The following UNC79 variants were observed in gnomAD, a reference collection of about 807,000 sequenced individuals.
The protein encoded by UNC79 is protein unc-79 homolog.
In UNC79, 37 loss-of-function variants were observed where a neutral mutation model predicts 283.1. The ratio of observed to expected loss-of-function variants is 0.13; its 90% CI spans 0.10 to 0.17. The LOEUF (loss-of-function observed/expected upper bound fraction) is 0.17. Ranked by LOEUF, UNC79 falls within the 10% of genes least tolerant of loss-of-function variation. UNC79 has a pLI of 1.00. For synonymous variants in UNC79, 1,107 were observed against 1,200.2 expected, an observed-to-expected ratio of 0.92 and a Z score of 1.61; for missense variants, 2,272 against 3,211.1, an observed-to-expected ratio of 0.71 and a Z score of 7.07.
At chr14:93,461,920 G>A (rs1235936094) in intron 1 of UNC79, among the ~76,000 whole-genome samples, 3 of 149,880 alleles carry the variant, frequency 2.0e-5, no homozygotes, top group African/African-American at 7.4e-5. Flanking sequence ...TGGAGGGAAA[G>A]CACTCTATGA....
intron 1 of UNC79, among the ~76,000 whole-genome samples, chr14:93,423,493 A>G (rs1035305755): frequency 7.2e-5 from 11 of 152,242 alleles, no homozygotes; most frequent in African/African-American, 2.7e-4. Context: ...CCAAAATGGC[A>G]TGGTACTGGC....
At chr14:93,447,993 T>G (rs1024471704) in intron 1 of UNC79, among the ~76,000 whole-genome samples, 1 of 152,178 alleles carries the variant, frequency 6.6e-6, no homozygotes, top group Non-Finnish European at 1.5e-5. Flanking sequence ...TTCTGCTTTG[T>G]GTTTGTCATT....
chr14:93,703,063 G>A (rs150763509), intron 47 of UNC79, among the ~76,000 whole-genome samples: 2 of 152,348 alleles, frequency 1.3e-5, no homozygotes, highest in African/African-American at 4.8e-5. Context: ...GGCTAAGGGT[G>A]TGAAGGCCTG....
At chr14:93,637,885 T>C (rs897941374) in intron 32 of UNC79, among the ~76,000 whole-genome samples, 2 of 152,240 alleles carry the variant, frequency 1.3e-5, no homozygotes, top group African/African-American at 2.4e-5. Flanking sequence ...CTTCTGAGCA[T>C]GGTCCAGCTA....
intron 1 of UNC79, chr14:93,347,442 G>C: frequency 7.1e-7 from 1 of 1,409,808 alleles, no homozygotes; most frequent in Non-Finnish European, 9.2e-7. Context: ...GCGTGGCCCT[G>C]GCGGGGCGCC....
chr14:93,464,873 A>G (rs2057103336), intron 1 of UNC79, among the ~76,000 whole-genome samples: 1 of 152,178 alleles, frequency 6.6e-6, no homozygotes, highest in Non-Finnish European at 1.5e-5. Flanking sequence ...CTCGTGCACA[A>G]AATTGAACTG....
chr14:93,601,127 G>A (rs1003354200), intron 25 of UNC79, among the ~76,000 whole-genome samples: 10 of 152,034 alleles, frequency 6.6e-5, no homozygotes, highest in African/African-American at 2.4e-4. Flanking sequence ...CAATAGTTTT[G>A]GGGACATAGG....
chr14:93,357,807 G>A (rs1374473727), intron 1 of UNC79, among the ~76,000 whole-genome samples: 3 of 101,492 alleles, frequency 3.0e-5, no homozygotes, highest in Non-Finnish European at 4.1e-5. Flanking sequence ...ATGGATATAT[G>A]GATATATATA....
chr14:93,386,834 G>A (rs930218648), intron 1 of UNC79, among the ~76,000 whole-genome samples: 1 of 147,818 alleles, frequency 6.8e-6, no homozygotes, highest in East Asian at 2.0e-4. Context: ...GTGGCTAAAG[G>A]TTTGTCACTC....
At position 93,497,077 on chromosome 14, in the gene UNC79, C is replaced by T. The variant is rs1340667370; in HGVS notation, c.769-80C>T. 3.4e-6 allele frequency: 5 copies of T among 1,492,108 alleles called. No homozygotes were observed. The East Asian group carries it at 1.2e-4, about 34-fold the overall frequency. The allele number at this position is 1,492,108 out of a possible 1,614,324, so 92.4% of individuals were successfully genotyped here. On this transcript the variant is annotated intron_variant, in intron 6 of 48. Coordinates refer to ENST00000555664, the Ensembl canonical transcript of UNC79. The stretch of plus-strand genomic sequence containing the variant: ...CTCAATCCCTCCATTAGAATTTTCA[C>T]TGCTTTGGTAATGTTGAAGTCTCTA...
intron 14 of UNC79, among the ~76,000 whole-genome samples, chr14:93,569,378 AG>A (rs2063084118): frequency 6.6e-6 from 1 of 152,214 alleles, no homozygotes; most frequent in Admixed American, 6.5e-5. Flanking sequence ...CAGAGGTTGC[AG>A]TGAACTGAAA....
intron 1 of UNC79, chr14:93,347,234 C>T (rs1289098162): frequency 2.5e-6 from 4 of 1,570,864 alleles, no homozygotes; most frequent in Admixed American, 3.7e-5. Context: ...CTCACCTGTG[C>T]TGTCCACGCC....
intron 30 of UNC79, among the ~76,000 whole-genome samples, chr14:93,627,126 A>G (rs891676487): frequency 6.6e-6 from 1 of 152,224 alleles, no homozygotes; most frequent in African/African-American, 2.4e-5. Context: ...TGTCAAGGTC[A>G]CCAGTGTCCT....
intron 7 of UNC79, among the ~76,000 whole-genome samples, chr14:93,501,552 A>G (rs1225004900): frequency 6.6e-6 from 1 of 151,622 alleles, no homozygotes; most frequent in African/African-American, 2.4e-5. Context: ...GCTGGGTGTG[A>G]TGGTGCGTGC....
intron 31 of UNC79, among the ~76,000 whole-genome samples, chr14:93,635,625 C>T (rs1175526313): frequency 1.3e-5 from 2 of 152,140 alleles, no homozygotes; most frequent in Non-Finnish European, 2.9e-5. Context: ...CCTCATTATT[C>T]TTAGAGAGAG....
chr14:93,622,213 C>G (rs769147878), exon 30 of UNC79: 15 of 1,614,154 alleles, frequency 9.3e-6, no homozygotes, highest in Non-Finnish European at 1.3e-5. Context: ...ACGGCCCCTC[C>G]GGTAAAAATG....
intron 39 of UNC79, among the ~76,000 whole-genome samples, chr14:93,661,078 G>GA (rs1415902683): frequency 6.6e-6 from 1 of 152,024 alleles, no homozygotes; most frequent in African/African-American, 2.4e-5. Context: ...ATATCGATTA[G>GA]AAAAAAGAAC....
At chr14:93,642,836 C>T (rs1483183490) in intron 33 of UNC79, among the ~76,000 whole-genome samples, 1 of 152,176 alleles carries the variant, frequency 6.6e-6, no homozygotes, top group African/African-American at 2.4e-5. Flanking sequence ...CTGCTATTCC[C>T]ATTAGACTTT....
chr14:93,646,120 A>G (rs2069570940), intron 34 of UNC79, among the ~76,000 whole-genome samples: 3 of 152,188 alleles, frequency 2.0e-5, no homozygotes, highest in Admixed American at 2.0e-4. Flanking sequence ...CTTAACCAAT[A>G]CATTTCTCTT....
Sources: gnomAD v4.1 joint callset for allele counts (sites outside exome capture counted in the v4.1 genomes callset) on GRCh38, gnomAD v4.1.1 for gene constraint, MANE v1.5 for transcripts, NCBI Gene and HGNC (gene_info 2026-07-23, HGNC 2026-07-21) for gene names.